The following MRPL20 variants were observed in gnomAD, a reference collection of about 807,000 sequenced individuals.
MRPL20 encodes large ribosomal subunit protein bL20m.
A neutral mutation model predicts 20.0 loss-of-function variants in MRPL20; 21 were observed. The observed-to-expected ratio is 1.05, with a 90% CI of 0.74 to 1.51. MRPL20 has a LOEUF of 1.51. Ranked by LOEUF, MRPL20 falls within the 40% of genes most tolerant of loss-of-function variation. The probability of loss-of-function intolerance (pLI) is 0.00; values close to 1 mark genes in which losing one functional copy is unlikely to be tolerated. For synonymous variants in MRPL20, 104 were observed against 73.0 expected (o/e 1.43, Z -2.17); for missense variants, 252 against 185.6 (o/e 1.36, Z -2.08).
chr1:1,402,515 C>T lies in MRPL20; in HGVS notation c.277-259G>A. The stretch of plus-strand genomic sequence containing the variant: ...CAGTCCTGATGTCGGCCCGGGGAAC[C>T]AAACACCTTGTTCAGGGTCCTTGGT... On this transcript the variant is annotated intron_variant, in intron 3 of 3. Coordinates refer to ENST00000344843, the MANE Select transcript of MRPL20 (RefSeq NM_017971.4). The T allele has an allele frequency of 2.4e-6, 3 of 1,232,080 alleles. No individual in the cohort carries two copies. In the South Asian group the frequency reaches 7.7e-5, roughly 32 times the overall value. 76.3% of individuals were successfully genotyped at this position (1,232,080 alleles called of 1,614,324 possible).
chr1:1,406,579 C>A, intron 2 of MRPL20: 1 of 373,942 alleles, frequency 2.7e-6, no homozygotes, highest in South Asian at 2.4e-5. Context: ...GGGTTGACTT[C>A]AGCTGCCAAA....
Position 1,402,010 on chromosome 1 carries a change from G to A in MRPL20, c.*73C>T. 6.6e-7 allele frequency: 1 copy of A among 1,515,110 alleles called. No individual in the cohort carries two copies. The highest frequency in any genetic ancestry group is 1.8e-4 in the Middle Eastern group (1 of 5,644). 93.9% of individuals were successfully genotyped at this position (1,515,110 alleles called of 1,614,324 possible). A position where few individuals can be genotyped will look rare whatever the true frequency, so the allele number is the denominator to read the frequency against. ...CCCTCATGTCTGTTATTGGGTTGTA[G>A]ATAAACAAAAGTATAAATCAAACAA... On this transcript the variant is annotated 3_prime_UTR_variant, in exon 4 of 4. Coordinates refer to ENST00000344843, the MANE Select transcript of MRPL20 (RefSeq NM_017971.4).
At chr1:1,406,513 C>T (rs1332293487) in intron 2 of MRPL20, 2 of 241,994 alleles carry the variant, frequency 8.3e-6, no homozygotes, top group East Asian at 1.1e-4. Context: ...CAGGCGTGGT[C>T]TCTTCGAGGA....
At chr1:1,403,044 G>C (rs1342374888) in intron 3 of MRPL20, among the ~76,000 whole-genome samples, 1 of 150,912 alleles carries the variant, frequency 6.6e-6, no homozygotes, top group Non-Finnish European at 1.5e-5. Flanking sequence ...CAGGAGAATG[G>C]TGTGAACCCG....
rs763749102 is a variant in MRPL20 at position 1,402,259 on chromosome 1, G to GA, written c.277-4dup. 22 of 1,602,400 alleles carry GA rather than the reference G, an allele frequency of 1.4e-5. No individual in the cohort carries two copies. The highest frequency in any genetic ancestry group is 1.7e-5 in the Admixed American group (1 of 57,358). ...TTCCTGTTGAGCTCCACCTGGCACT[G>GA]AAAAAAGAATGAATCAGAACCTGCT... On this transcript the variant is annotated splice_polypyrimidine_tract_variant and splice_region_variant and intron_variant, in intron 3 of 3. Coordinates refer to ENST00000344843, the MANE Select transcript of MRPL20 (RefSeq NM_017971.4).
chr1:1,405,662 GC>G (rs1312389314), intron 3 of MRPL20, 146 bp downstream of exon 3: 1 of 1,416,602 alleles, frequency 7.1e-7, no homozygotes, highest in East Asian at 2.3e-5. Flanking sequence ...CATCAGCATA[GC>G]AAACTACAGC....
chr1:1,402,135 C>A lies in MRPL20; in HGVS notation c.398G>T (p.Gly133Val), dbSNP rs1468665482. The change falls in exon 4 of 4, where the codon GGG becomes GTG. Residue 133 changes from glycine to valine, a missense_variant. Transcript: ENST00000344843. The part of the protein sequence containing the change: ...RRHEGFAAAL[G>V]DGKEPEGIFS... ...AATGCCTTCAGGTTCCTTCCCATCC[C>A]CCAAGGCAGCAGCAAATCCTTCGTG... 4.3e-6 allele frequency: 7 copies of A among 1,614,070 alleles called. No homozygotes were observed. In the African/African-American group the frequency reaches 8.0e-5, roughly 18 times the overall value.
chr1:1,404,504 CTTT>C (rs923907663), intron 3 of MRPL20, among the ~76,000 whole-genome samples: 2 of 142,978 alleles, frequency 1.4e-5, no homozygotes, highest in Non-Finnish European at 3.1e-5. Flanking sequence ...TTTTTCTACA[CTTT>C]TTTTTTTTTT....
At position 1,402,220 on chromosome 1, in the gene MRPL20, G is replaced by A. The variant is rs1645337501; in HGVS notation, c.313C>T (p.Leu105=). The change falls in exon 4 of 4, where the codon CTG becomes TTG. Residue 105 remains leucine, a synonymous_variant. Transcript: ENST00000344843. ...AAAGTCTTTGGCTCGTAGATGGCCA[G>A]ATCCGCTAGGACTTTCCTGTTGAGC... The part of the protein sequence containing the change: ...VELNRKVLAD[L]AIYEPKTFKS... 2 of 1,613,614 alleles carry A rather than the reference G, an allele frequency of 1.2e-6. No individual in the cohort carries two copies. The highest frequency in any genetic ancestry group is 1.7e-6 in the Non-Finnish European group (2 of 1,179,912).
chr1:1,404,058 C>T (rs977247818), intron 3 of MRPL20, among the ~76,000 whole-genome samples: 5 of 150,960 alleles, frequency 3.3e-5, no homozygotes, highest in Non-Finnish European at 7.4e-5. Flanking sequence ...AGGCTGCTGT[C>T]GAACTCCTGA....
chr1:1,405,896 G>T lies in MRPL20; in HGVS notation c.199-10C>A. Reference sequence around the variant, plus strand: ...TTCGATTAATCCAGAGCTGAAATAAGAAAACATGAAGATACTTAAAAATGA... The same window carrying T: ...TTCGATTAATCCAGAGCTGAAATAATAAAACATGAAGATACTTAAAAATGA... On this transcript the variant is annotated splice_polypyrimidine_tract_variant and intron_variant, in intron 2 of 3. Coordinates refer to ENST00000344843, the MANE Select transcript of MRPL20 (RefSeq NM_017971.4). The T allele has an allele frequency of 6.2e-7, 1 of 1,604,046 alleles. No individual in the cohort carries two copies. Among genetic ancestry groups the T allele is most frequent in the Non-Finnish European group, 8.5e-7 (1 of 1,172,674 alleles).
In MRPL20 at chr1:1,401,943, G is replaced by T; in HGVS notation, c.*140C>A. 1.0e-6 allele frequency: 1 copy of T among 974,300 alleles called. No individual in the cohort carries two copies. Among genetic ancestry groups the T allele is most frequent in the Non-Finnish European group, 1.5e-6 (1 of 663,076 alleles). 60.4% of individuals were successfully genotyped at this position (974,300 alleles called of 1,614,324 possible). A position where few individuals can be genotyped will look rare whatever the true frequency, so the allele number is the denominator to read the frequency against. ...TTTGAGTTTCATTCACACAAAACATGGACATCATCTGTGAGGCTCTGTCCC... is the reference window on the plus strand; with the variant it reads ...TTTGAGTTTCATTCACACAAAACATTGACATCATCTGTGAGGCTCTGTCCC... On this transcript the variant is annotated 3_prime_UTR_variant, in exon 4 of 4. Transcript: ENST00000344843.
Position 1,405,978 on chromosome 1 carries a change from A to T in MRPL20, c.199-92T>A, listed in dbSNP as rs1037128451. On this transcript the variant is annotated intron_variant, in intron 2 of 3. Transcript: ENST00000344843. ...AATTGATCTAAAGAATATTTTTCTAAAAGTAAATAGCAAAATCAGTGAGCT... is the reference window on the plus strand; with the variant it reads ...AATTGATCTAAAGAATATTTTTCTATAAGTAAATAGCAAAATCAGTGAGCT... 6 of 1,503,796 alleles carry T rather than the reference A, an allele frequency of 4.0e-6. No individual in the cohort carries two copies. The African/African-American group carries it at 8.4e-5, about 21-fold the overall frequency. 93.2% of individuals were successfully genotyped at this position (1,503,796 alleles called of 1,614,324 possible). A position where few individuals can be genotyped will look rare whatever the true frequency, so the allele number is the denominator to read the frequency against.
chr1:1,405,929 A>G (rs368149722), intron 2 of MRPL20, 43 bp from the exon 3 acceptor site: 1 of 1,587,038 alleles, frequency 6.3e-7, no homozygotes, highest in Non-Finnish European at 8.6e-7. Flanking sequence ...TGACTTCTGG[A>G]TGTTATGTCC....
rs373525956 is a variant in MRPL20 at position 1,407,253 on chromosome 1, C to T, written c.-36G>A. 424 of 1,532,568 alleles carry T rather than the reference C, an allele frequency of 2.8e-4. No homozygotes were observed. Among genetic ancestry groups the T allele is most frequent in the Non-Finnish European group, 3.7e-4 (415 of 1,126,616 alleles). 94.9% of individuals were successfully genotyped at this position (1,532,568 alleles called of 1,614,324 possible). On this transcript the variant is annotated 5_prime_UTR_variant, in exon 1 of 4. Coordinates refer to ENST00000344843, the MANE Select transcript of MRPL20 (RefSeq NM_017971.4). ...GGCCGGCGTCCCGAACACTCAACAA[C>T]GCACGCGCAGCGCCGCTGCCATCTT... is the stretch of plus-strand genomic sequence containing the variant.
At chr1:1,402,474 C>T (rs1645341217) in intron 3 of MRPL20, 2 of 1,309,640 alleles carry the variant, frequency 1.5e-6, no homozygotes, top group Non-Finnish European at 1.9e-6. Flanking sequence ...GTGGAATCTG[C>T]AGGGAGGCTG....
intron 3 of MRPL20, chr1:1,405,238 G>A (rs1274640222): frequency 5.9e-6 from 1 of 169,956 alleles, no homozygotes. Context: ...GCCTCCCAAA[G>A]TGCTGGGATC....
At chr1:1,402,284 T>C in intron 3 of MRPL20, 28 bp from the exon 4 acceptor site, 2 of 1,592,376 alleles carry the variant, frequency 1.3e-6, no homozygotes, top group Non-Finnish European at 1.7e-6. Context: ...CAGAACCTGC[T>C]GTCAGTGTGA....
Position 1,406,976 on chromosome 1 carries a change from C to T in MRPL20, c.131G>A (p.Arg44Lys). 6.2e-7 allele frequency: 1 copy of T among 1,613,850 alleles called. No homozygotes were observed. The highest frequency in any genetic ancestry group is 8.5e-7 in the Non-Finnish European group (1 of 1,179,764). Residue 44 changes from arginine to lysine, a missense_variant, in exon 2 of 4, where the codon AGA becomes AAA. Arg to Lys is a conservative substitution (Grantham distance 26, BLOSUM62 2). Coordinates refer to ENST00000344843, the MANE Select transcript of MRPL20 (RefSeq NM_017971.4). ...TTTCACAAAGGCTCGAATCACGGTTCTGACCGCCAACCTGTAGCAGCGATT... is the reference window on the plus strand; with the variant it reads ...TTTCACAAAGGCTCGAATCACGGTTTTGACCGCCAACCTGTAGCAGCGATT... ...RKNRCYRLAV[R>K]TVIRAFVKCT...
Sources: allele counts gnomAD v4.1 joint callset (sites outside exome capture counted in the v4.1 genomes callset), GRCh38; gene constraint gnomAD v4.1.1; transcripts MANE v1.5; gene names NCBI Gene and HGNC (gene_info 2026-07-23, HGNC 2026-07-21).